CADPS2: variants seen among roughly 807,000 people sequenced by gnomAD.
CADPS2 encodes the protein calcium dependent secretion activator 2, also known as calcium-dependent secretion activator 2.
In CADPS2, 93 loss-of-function variants were observed where a neutral mutation model predicts 172.5. That is an observed-to-expected ratio of 0.54 (90% CI 0.46 to 0.64). The LOEUF (loss-of-function observed/expected upper bound fraction) is 0.64. Ranked by LOEUF, CADPS2 falls within the 30% of genes least tolerant of loss-of-function variation. The pLI is 0.00. For missense variants in CADPS2, 1,420 were observed against 1,565.9 expected, an observed-to-expected ratio of 0.91 and a Z score of 1.57; for synonymous variants, 546 against 555.2, an observed-to-expected ratio of 0.98 and a Z score of 0.23.
intron 14 of CADPS2, among the ~76,000 whole-genome samples, chr7:122,466,897 C>T (rs898705183): frequency 6.6e-6 from 1 of 152,276 alleles, no homozygotes; most frequent in Admixed American, 6.5e-5. Context: ...ATTTCCAACA[C>T]ACCAAGTCTT....
At chr7:122,368,230 T>TA (rs1458456496) in intron 25 of CADPS2, 1 of 152,326 alleles carries the variant, frequency 6.6e-6, no homozygotes, top group Non-Finnish European at 1.5e-5. Flanking sequence ...CTACCTGACT[T>TA]AGAGTTGCCC....
chr7:122,480,812 T>A (rs1480735363), intron 12 of CADPS2, 40 bp downstream of exon 12: 5 of 1,419,470 alleles, frequency 3.5e-6, no homozygotes, highest in Non-Finnish European at 4.8e-6. Flanking sequence ...ATTAAAAATT[T>A]TTTAAAACAT....
At chr7:122,437,075 C>A (rs973588859) in intron 17 of CADPS2, among the ~76,000 whole-genome samples, 2 of 151,920 alleles carry the variant, frequency 1.3e-5, no homozygotes, top group African/African-American at 4.8e-5. Context: ...TCATTTCTTC[C>A]AATCTGTGTC....
chr7:122,753,670 A>G (rs907373864), intron 1 of CADPS2, among the ~76,000 whole-genome samples: 2 of 152,222 alleles, frequency 1.3e-5, no homozygotes, highest in Non-Finnish European at 1.5e-5. Flanking sequence ...TTCTTTTCCT[A>G]TGATCTTGGT....
rs745423239 is a variant in CADPS2, at chr7:122,447,630, T to G, written c.2288+3744A>C. Among the ~76,000 whole-genome samples the G allele has an allele frequency of 7.4e-4, 104 of 141,320 alleles. 2 individuals carry two copies. The highest frequency in any genetic ancestry group is 1.2e-4 in the Non-Finnish European group (8 of 65,984). 92.7% of individuals were successfully genotyped at this position (141,320 alleles called of 152,430 possible). Reference sequence around the variant, plus strand: ...GTGCAGTCAGGCGATCTCGGCTCACTGCAGCCTCTGCCTCCTAGGTTCAAG... The same window carrying G: ...GTGCAGTCAGGCGATCTCGGCTCACGGCAGCCTCTGCCTCCTAGGTTCAAG... On this transcript the variant is annotated intron_variant, in intron 15 of 29. Coordinates refer to ENST00000449022, the MANE Select transcript of CADPS2 (RefSeq NM_017954.11).
intron 1 of CADPS2, among the ~76,000 whole-genome samples, chr7:122,759,642 A>T (rs966377883): frequency 6.6e-6 from 1 of 152,134 alleles, no homozygotes; most frequent in Non-Finnish European, 1.5e-5. Flanking sequence ...ATACTGATTT[A>T]TAGAGGACTT....
At chr7:122,829,058 T>C (rs751661802) in intron 1 of CADPS2, among the ~76,000 whole-genome samples, 1 of 152,176 alleles carries the variant, frequency 6.6e-6, no homozygotes, top group Non-Finnish European at 1.5e-5. Context: ...AAAAGTTTCA[T>C]CTCTAAATGA....
intron 7 of CADPS2, among the ~76,000 whole-genome samples, chr7:122,565,245 CT>C (rs2066307088): frequency 6.6e-6 from 1 of 150,408 alleles, no homozygotes. Flanking sequence ...AAAAAAAAAA[CT>C]TCCCAATTTG....
intron 27 of CADPS2, among the ~76,000 whole-genome samples, chr7:122,355,010 A>C (rs1290602878): frequency 6.6e-6 from 1 of 152,178 alleles, no homozygotes; most frequent in Non-Finnish European, 1.5e-5. Flanking sequence ...GTTCAGGACT[A>C]CACTGAAGCA....
At chr7:122,737,355 A>C (rs966522061) in intron 1 of CADPS2, among the ~76,000 whole-genome samples, 2 of 151,942 alleles carry the variant, frequency 1.3e-5, no homozygotes, top group African/African-American at 4.8e-5. Context: ...CTCCTGAGTA[A>C]CTGGGATTAT....
intron 9 of CADPS2, among the ~76,000 whole-genome samples, chr7:122,504,962 T>C (rs1161894129): frequency 6.6e-6 from 1 of 152,156 alleles, no homozygotes; most frequent in Admixed American, 6.6e-5. Flanking sequence ...ACTGAGAAAG[T>C]GAGGAAAAGT....
At chr7:122,704,355 T>TC (rs2086651409) in intron 2 of CADPS2, among the ~76,000 whole-genome samples, 1 of 152,024 alleles carries the variant, frequency 6.6e-6, no homozygotes, top group Non-Finnish European at 1.5e-5. Context: ...AGGTAGACTT[T>TC]TTTTTTTTCA....
At chr7:122,819,895 C>T (rs532187022) in intron 1 of CADPS2, among the ~76,000 whole-genome samples, 129 of 152,156 alleles carry the variant, frequency 8.5e-4, no homozygotes, top group Non-Finnish European at 1.5e-3. Context: ...CACCCTTACC[C>T]CACTCAACGC....
At chr7:122,519,819 A>AAAGTT (rs1357940766) in intron 8 of CADPS2, among the ~76,000 whole-genome samples, 1 of 152,002 alleles carries the variant, frequency 6.6e-6, no homozygotes, top group Non-Finnish European at 1.5e-5. Flanking sequence ...GTTTGGGAAA[A>AAAGTT]AAGTTAAGAG....
At chr7:122,381,354 T>G (rs1017148415) in intron 24 of CADPS2, among the ~76,000 whole-genome samples, 3 of 152,118 alleles carry the variant, frequency 2.0e-5, no homozygotes, top group African/African-American at 4.8e-5. Context: ...GCTTCAAGCA[T>G]CTCACTTCCC....
intron 17 of CADPS2, among the ~76,000 whole-genome samples, chr7:122,419,226 C>T (rs1585838237): frequency 2.0e-5 from 3 of 152,084 alleles, no homozygotes; most frequent in African/African-American, 2.4e-5. Context: ...CAATCAATAC[C>T]CCCAAATTTT....
intron 17 of CADPS2, among the ~76,000 whole-genome samples, chr7:122,428,536 C>T (rs1038091893): frequency 2.0e-5 from 3 of 150,760 alleles, no homozygotes; most frequent in Admixed American, 6.6e-5. Flanking sequence ...GGCGCAATCA[C>T]GGCTCACTGC....
chr7:122,430,360 C>A (rs12706412), intron 17 of CADPS2, among the ~76,000 whole-genome samples: 10,051 of 152,192 alleles, frequency 0.066, 430 homozygotes, highest in African/African-American at 0.097. Context: ...TTTCAGGAAA[C>A]AGTAGGAACT....
intron 1 of CADPS2, among the ~76,000 whole-genome samples, chr7:122,818,034 C>G (rs1802037518): frequency 6.7e-6 from 1 of 149,178 alleles, no homozygotes; most frequent in South Asian, 2.2e-4. Context: ...TTCTGTGCCC[C>G]ATCCCTTATT....
Sources: allele counts gnomAD v4.1 joint callset (sites outside exome capture counted in the v4.1 genomes callset), GRCh38; gene constraint gnomAD v4.1.1; transcripts MANE v1.5; gene names NCBI Gene and HGNC (gene_info 2026-07-23, HGNC 2026-07-21).